RECK: variants seen among roughly 807,000 people sequenced by gnomAD.
The protein encoded by RECK is reversion-inducing cysteine-rich protein with Kazal motifs.
A neutral mutation model predicts 115.1 loss-of-function variants in RECK; 69 were observed. That is an observed-to-expected ratio of 0.60 (90% CI 0.49 to 0.73). The LOEUF (loss-of-function observed/expected upper bound fraction) is 0.73. RECK is among the 30% of genes least tolerant of loss of function. The pLI is 0.00. For synonymous variants in RECK, 414 were observed against 419.7 expected (o/e 0.99, Z 0.17); for missense variants, 1,047 against 1,203.7 (o/e 0.87, Z 1.93).
At chr9:36,048,366 A>G (rs1350502801) in intron 1 of RECK, among the ~76,000 whole-genome samples, 1 of 151,932 alleles carries the variant, frequency 6.6e-6, no homozygotes, top group Non-Finnish European at 1.5e-5. Flanking sequence ...CTGGAGCCAT[A>G]ATGCTGCTTG....
Position 36,105,276 on chromosome 9 carries a change from TGTTCAA to T in RECK, c.1571_1576del (p.Val524_Gln525del). 6.2e-7 allele frequency: 1 copy of T among 1,614,056 alleles called. No individual in the cohort carries two copies. Among genetic ancestry groups the T allele is most frequent in the Non-Finnish European group, 8.5e-7 (1 of 1,179,938 alleles). Reference sequence around the variant, plus strand: ...GAGATCCCTGTCTTCCATACTTTTGTGTTCAAGGTAAGAGGTAGGTGGGTGTGAGAA... The same window carrying T: ...GAGATCCCTGTCTTCCATACTTTTGTGGTAAGAGGTAGGTGGGTGTGAGAA... On this transcript the variant is annotated inframe_deletion and splice_region_variant, in exon 13 of 21. Transcript: ENST00000377966.
intron 15 of RECK, among the ~76,000 whole-genome samples, chr9:36,111,621 C>T (rs1425953374): frequency 1.3e-5 from 2 of 151,922 alleles, no homozygotes; most frequent in African/African-American, 2.4e-5. Context: ...CTCGAACTCC[C>T]GACCTCAGGT....
intron 2 of RECK, chr9:36,056,858 C>G (rs1414265459): frequency 2.5e-6 from 1 of 407,636 alleles, no homozygotes; most frequent in East Asian, 1.6e-4. Context: ...CATTAATTCA[C>G]TAGGCGTTGC....
chr9:36,122,754 G>A (rs1824506954), intron 20 of RECK, 70 bp from the exon 21 acceptor site: 3 of 1,270,566 alleles, frequency 2.4e-6, no homozygotes, highest in Non-Finnish European at 3.4e-6. Context: ...GATATACGTG[G>A]AATTTGTCTG....
intron 1 of RECK, among the ~76,000 whole-genome samples, chr9:36,051,509 T>C (rs1006455158): frequency 1.3e-5 from 2 of 152,228 alleles, no homozygotes; most frequent in Non-Finnish European, 2.9e-5. Flanking sequence ...AAGTGGCTAA[T>C]TAGTAAACCC....
intron 1 of RECK, among the ~76,000 whole-genome samples, chr9:36,042,018 G>A (rs1347229559): frequency 6.6e-6 from 1 of 151,438 alleles, no homozygotes. Flanking sequence ...AAATTTTTTT[G>A]TACTTTTTTC....
intron 1 of RECK, among the ~76,000 whole-genome samples, chr9:36,038,642 G>A (rs1020592167): frequency 6.6e-6 from 1 of 152,144 alleles, no homozygotes; most frequent in Non-Finnish European, 1.5e-5. Flanking sequence ...TTTATTATGA[G>A]AATCGAGGTA....
At chr9:36,099,133 G>A (rs188542295) in intron 10 of RECK, among the ~76,000 whole-genome samples, 2 of 152,154 alleles carry the variant, frequency 1.3e-5, no homozygotes, top group East Asian at 1.9e-4. Context: ...GGCTGAGGTG[G>A]GAGGATCACC....
intron 6 of RECK, among the ~76,000 whole-genome samples, chr9:36,069,889 A>G (rs1020871459): frequency 1.8e-4 from 28 of 152,182 alleles, no homozygotes; most frequent in Non-Finnish European, 7.3e-5. Flanking sequence ...AAAGAAGACC[A>G]ACGACTGATT....
chr9:36,056,975 C>T, intron 2 of RECK: 3 of 985,134 alleles, frequency 3.0e-6, no homozygotes, highest in Non-Finnish European at 3.6e-6. Flanking sequence ...TTTCACTGTC[C>T]ATAGCATTCA....
chr9:36,050,476 T>C (rs1821243093), intron 1 of RECK, among the ~76,000 whole-genome samples: 1 of 152,218 alleles, frequency 6.6e-6, no homozygotes. Context: ...GCCACCCTAG[T>C]TGAAGACACT....
chr9:36,079,814 A>G (rs1181906133), intron 6 of RECK, among the ~76,000 whole-genome samples: 1 of 152,064 alleles, frequency 6.6e-6, no homozygotes, highest in East Asian at 1.9e-4. Flanking sequence ...TAAATATCCA[A>G]ATGGCTTTGT....
rs1324300482 is a variant in RECK at position 36,108,041 on chromosome 9, T to C, written c.1642T>C (p.Ser548Pro). 6.2e-7 allele frequency: 1 copy of C among 1,614,120 alleles called. No individual in the cohort carries two copies. The highest frequency in any genetic ancestry group is 1.1e-5 in the South Asian group (1 of 91,082). ...RQGTLIQVPSSAGEVGCYKIC... is the reference protein window; with the variant it reads ...RQGTLIQVPSPAGEVGCYKIC... ...AGGGACACTAATCCAGGTGCCATCA[T>C]CTGCAGGGGAAGTTGGTTGTTATAA... Residue 548 changes from serine (S) to proline (P), a missense_variant, in exon 14 of 21, where the codon TCT (serine) becomes CCT (proline). Transcript: ENST00000377966.
At chr9:36,086,530 A>G (rs965570549) in intron 8 of RECK, among the ~76,000 whole-genome samples, 1 of 152,184 alleles carries the variant, frequency 6.6e-6, no homozygotes, top group Non-Finnish European at 1.5e-5. Context: ...TATTGTGAAG[A>G]GTGAAAGAAC....
chr9:36,058,821 A>G lies in RECK; in HGVS notation c.160-6A>G. 2 of 1,569,338 alleles carry G rather than the reference A, an allele frequency of 1.3e-6. No homozygotes were observed. The highest frequency in any genetic ancestry group is 1.9e-5 in the Admixed American group (1 of 53,542). ...CCACAAAAACTTTTTTTTTTTTGTC[A>G]AATAGATTTTCTCCTCAAAAAGTGA... On this transcript the variant is annotated splice_polypyrimidine_tract_variant and splice_region_variant and intron_variant, in intron 2 of 20. Transcript: ENST00000377966.
intron 2 of RECK, among the ~76,000 whole-genome samples, chr9:36,058,544 C>T (rs1189586811): frequency 3.5e-5 from 5 of 144,288 alleles, no homozygotes; most frequent in Non-Finnish European, 6.1e-5. Context: ...GGAGATATAC[C>T]TAATGCTAGA....
chr9:36,073,974 A>C (rs1303213969), intron 6 of RECK, among the ~76,000 whole-genome samples: 1 of 152,110 alleles, frequency 6.6e-6, no homozygotes, highest in African/African-American at 2.4e-5. Context: ...CCATGGGTGG[A>C]GGTATTTGCA....
chr9:36,060,217 A>G, intron 4 of RECK, 62 bp downstream of exon 4: 1 of 1,487,686 alleles, frequency 6.7e-7, no homozygotes, highest in Non-Finnish European at 9.4e-7. Context: ...TGAATGTAAA[A>G]TTGGTGTCAT....
At position 36,121,592 on chromosome 9, in the gene RECK, G is replaced by A. The variant is rs773287728; in HGVS notation, c.2598G>A (p.Val866=). ...TACTTCAGAAAATCCGCATGCACGTGTCTGTCCCACAGTGTGATGTGTTTG... is the reference window on the plus strand; with the variant it reads ...TACTTCAGAAAATCCGCATGCACGTATCTGTCCCACAGTGTGATGTGTTTG... The part of the protein sequence containing the change: ...LEILQKIRMH[V]SVPQCDVFGY... Residue 866 remains valine (V), a synonymous_variant, in exon 20 of 21, where the codon GTG becomes GTA. Coordinates refer to ENST00000377966, the MANE Select transcript of RECK (RefSeq NM_021111.3). 3 of 1,614,126 alleles carry A rather than the reference G, an allele frequency of 1.9e-6. No homozygotes were observed. The highest frequency in any genetic ancestry group is 1.1e-5 in the South Asian group (1 of 91,074).
Sources: allele counts gnomAD v4.1 joint callset (sites outside exome capture counted in the v4.1 genomes callset), GRCh38; gene constraint gnomAD v4.1.1; transcripts MANE v1.5; gene names NCBI Gene and HGNC (gene_info 2026-07-23, HGNC 2026-07-21).